The following SRRM4 variants were observed in gnomAD, a reference collection of about 807,000 sequenced individuals.
SRRM4 encodes the protein serine/arginine repetitive matrix 4, also known as serine/arginine repetitive matrix protein 4.
In SRRM4, 33 loss-of-function variants were observed where a neutral mutation model predicts 68.9. The observed-to-expected ratio is 0.48, with a 90% CI of 0.36 to 0.64. The LOEUF (loss-of-function observed/expected upper bound fraction) is 0.64, where lower values mean the gene tolerates loss of function less well. Among genes scored for constraint, SRRM4 ranks in the 30% least tolerant of loss-of-function variants. SRRM4 has a pLI of 0.00. For synonymous variants in SRRM4, 318 were observed against 318.8 expected (o/e 1.00, Z 0.03); for missense variants, 817 against 827.1 (o/e 0.99, Z 0.15).
chr12:119,049,783 A>G (rs988096771), intron 1 of SRRM4, among the ~76,000 whole-genome samples: 5 of 152,210 alleles, frequency 3.3e-5, no homozygotes, highest in African/African-American at 1.2e-4. Flanking sequence ...TCTTTGGCTT[A>G]CAGATGGCTG....
At chr12:119,087,914 C>G (rs1592893474) in intron 1 of SRRM4, among the ~76,000 whole-genome samples, 1 of 151,584 alleles carries the variant, frequency 6.6e-6, no homozygotes, top group Admixed American at 6.6e-5. Context: ...AGCCTGTTTT[C>G]TCATCTAAAA....
chr12:119,003,744 T>G (rs1486815394), intron 1 of SRRM4, among the ~76,000 whole-genome samples: 1 of 152,032 alleles, frequency 6.6e-6, no homozygotes, highest in Non-Finnish European at 1.5e-5. Flanking sequence ...GTCCTTTCCA[T>G]GTATCTCCTC....
intron 5 of SRRM4, among the ~76,000 whole-genome samples, chr12:119,120,626 C>T (rs1382196504): frequency 1.3e-5 from 2 of 152,194 alleles, no homozygotes; most frequent in African/African-American, 4.8e-5. Flanking sequence ...GGCCAAGGAA[C>T]AGGGCCAAGT....
At chr12:119,071,948 C>T (rs1953880626) in intron 1 of SRRM4, among the ~76,000 whole-genome samples, 1 of 152,166 alleles carries the variant, frequency 6.6e-6, no homozygotes. Flanking sequence ...AAGTGAATGG[C>T]TGAGTCTTAG....
Position 119,154,115 on chromosome 12 carries a change from C to A in SRRM4, c.1392-128C>A. The A allele has an allele frequency of 1.2e-6, 1 of 833,044 alleles. No homozygotes were observed. Among genetic ancestry groups the A allele is most frequent in the Non-Finnish European group, 1.9e-6 (1 of 529,712 alleles). 51.6% of individuals were successfully genotyped at this position (833,044 alleles called of 1,614,324 possible). ...GTCATCCTCCCTCCGGTCTCCCTTG[C>A]GGCAACGTGCAGACCCCATCCCGTG... On this transcript the variant is annotated intron_variant, in intron 11 of 12. Coordinates refer to ENST00000267260, the MANE Select transcript of SRRM4 (RefSeq NM_194286.4). The surrounding 1 kb of genome is among the most constrained non-coding windows in gnomAD (Gnocchi z 4.7).
In SRRM4 at chr12:119,120,261, A is replaced by G; in HGVS notation, c.449A>G (p.Lys150Arg). ...TTCTTTCTTTTCAGGTCATTCTCCAAGAAGAGAAGGCACAGGTAAGACTCT... is the reference window on the plus strand; with the variant it reads ...TTCTTTCTTTTCAGGTCATTCTCCAGGAAGAGAAGGCACAGGTAAGACTCT... ...KKHKRRRSFS[K>R]KRRHSSSSPK... is the part of the protein sequence containing the mutation. The change falls in exon 5 of 13, where the codon AAG (lysine) becomes AGG (arginine). Residue 150 changes from lysine (K) to arginine (R), a missense_variant. Transcript: ENST00000267260. 1 of 1,549,014 alleles carries G rather than the reference A, an allele frequency of 6.5e-7. No individual in the cohort carries two copies.
At chr12:119,117,770 G>T (rs979170498) in intron 4 of SRRM4, among the ~76,000 whole-genome samples, 1 of 152,138 alleles carries the variant, frequency 6.6e-6, no homozygotes, top group Non-Finnish European at 1.5e-5. Flanking sequence ...AAATTAGCCA[G>T]GTGTGGTGGC....
intron 1 of SRRM4, among the ~76,000 whole-genome samples, chr12:119,045,606 C>G (rs1166840705): frequency 6.6e-6 from 1 of 151,890 alleles, no homozygotes; most frequent in Non-Finnish European, 1.5e-5. Flanking sequence ...CTAGATTTGT[C>G]TCTAATGCCG....
In SRRM4 at chr12:119,163,041, T is replaced by A. The variant is rs984940788; in HGVS notation, c.*6243T>A. 1 of 152,214 alleles carries A rather than the reference T, an allele frequency of 6.6e-6. No individual in the cohort carries two copies. Among genetic ancestry groups the A allele is most frequent in the African/African-American group, 2.4e-5 (1 of 41,440 alleles). The allele number at this position is 152,214 out of a possible 1,614,324, so 9.4% of individuals were successfully genotyped here. A position where few individuals can be genotyped will look rare whatever the true frequency, so the allele number is the denominator to read the frequency against. On this transcript the variant is annotated 3_prime_UTR_variant, in exon 13 of 13. Coordinates refer to ENST00000267260, the MANE Select transcript of SRRM4 (RefSeq NM_194286.4). ...TGTTCTAATTAAAGTTCCCATGGTATGGTGTTCTCATATATGGCTCAGTGT... is the reference window on the plus strand; with the variant it reads ...TGTTCTAATTAAAGTTCCCATGGTAAGGTGTTCTCATATATGGCTCAGTGT...
At chr12:119,016,568 G>A (rs1164582144) in intron 1 of SRRM4, among the ~76,000 whole-genome samples, 1 of 151,804 alleles carries the variant, frequency 6.6e-6, no homozygotes, top group East Asian at 1.9e-4. Flanking sequence ...TTTTCCCTTT[G>A]TCTACCAGGA....
intron 1 of SRRM4, among the ~76,000 whole-genome samples, chr12:119,016,287 A>G (rs1452377186): frequency 6.6e-6 from 1 of 152,008 alleles, no homozygotes; most frequent in Non-Finnish European, 1.5e-5. Flanking sequence ...GTTTTAAGCC[A>G]CTCAGCATGT....
At chr12:119,062,489 C>A (rs921646216) in intron 1 of SRRM4, among the ~76,000 whole-genome samples, 4 of 152,078 alleles carry the variant, frequency 2.6e-5, no homozygotes, top group Non-Finnish European at 5.9e-5. Context: ...TTTACAGTAG[C>A]ACTTAAATGC....
At chr12:119,050,475 A>G (rs1953735650) in intron 1 of SRRM4, among the ~76,000 whole-genome samples, 1 of 152,202 alleles carries the variant, frequency 6.6e-6, no homozygotes, top group South Asian at 2.1e-4. Flanking sequence ...GTGTTCATAA[A>G]TTTTCCTCTT....
intron 1 of SRRM4, chr12:119,001,642 A>C (rs1953384825): frequency 2.0e-5 from 3 of 152,196 alleles, no homozygotes; most frequent in Non-Finnish European, 4.4e-5. Flanking sequence ...TGTTATTTCT[A>C]TATTACAGAT....
At chr12:119,070,126 G>A (rs1953868663) in intron 1 of SRRM4, among the ~76,000 whole-genome samples, 1 of 151,772 alleles carries the variant, frequency 6.6e-6, no homozygotes, top group South Asian at 2.1e-4. Flanking sequence ...TGAAATGTTG[G>A]CAATGAATTT....
chr12:119,002,068 C>T (rs535293493), intron 1 of SRRM4, among the ~76,000 whole-genome samples: 1 of 151,782 alleles, frequency 6.6e-6, no homozygotes, highest in Non-Finnish European at 1.5e-5. Context: ...GATTCTATAG[C>T]CTGTGTTCTT....
intron 1 of SRRM4, among the ~76,000 whole-genome samples, chr12:118,997,958 G>A (rs556191979): frequency 2.1e-4 from 32 of 152,024 alleles, no homozygotes; most frequent in Admixed American, 1.1e-3. Flanking sequence ...TAACTACCAC[G>A]TCCTACTGAC....
At chr12:119,132,900 G>A (rs1336406415) in intron 8 of SRRM4, 1 of 152,176 alleles carries the variant, frequency 6.6e-6, no homozygotes, top group Non-Finnish European at 1.5e-5. Context: ...TCATGTCCCT[G>A]AGATAGTAGT....
At chr12:119,013,680 T>G (rs1362287248) in intron 1 of SRRM4, among the ~76,000 whole-genome samples, 1 of 152,222 alleles carries the variant, frequency 6.6e-6, no homozygotes, top group Non-Finnish European at 1.5e-5. Context: ...TGTTATTTTT[T>G]TAATGGCTGC....
Sources: gnomAD v4.1 joint callset for allele counts (sites outside exome capture counted in the v4.1 genomes callset) on GRCh38, gnomAD v4.1.1 for gene constraint, Gnocchi (gnomAD v3.1) non-coding constraint, MANE v1.5 for transcripts, NCBI Gene and HGNC (gene_info 2026-07-23, HGNC 2026-07-21) for gene names.